Variants in ADGRB3 observed in about 807,000 individuals in gnomAD.
The protein encoded by ADGRB3 is brain-specific angiogenesis inhibitor 3.
ADGRB3 carries 37 observed loss-of-function variants against 193.4 expected under a neutral mutation model. The observed-to-expected ratio is 0.19, with a 90% CI of 0.15 to 0.25. ADGRB3 has a LOEUF of 0.25. Among genes scored for constraint, ADGRB3 ranks in the 10% least tolerant of loss-of-function variants. The pLI, the probability that ADGRB3 is intolerant of heterozygous loss-of-function variation, is 1.00. For synonymous variants in ADGRB3, 690 were observed against 644.2 expected (o/e 1.07, Z -1.08); for missense variants, 1,637 against 1,852.9 (o/e 0.88, Z 2.14).
intron 3 of ADGRB3, among the ~76,000 whole-genome samples, chr6:68,684,131 T>C (rs538136228): frequency 2.6e-5 from 4 of 152,324 alleles, no homozygotes; most frequent in Admixed American, 6.5e-5. Flanking sequence ...AATGTTAGTT[T>C]TCAATCTTTC....
At chr6:69,266,674 A>T (rs2127276707) in intron 20 of ADGRB3, among the ~76,000 whole-genome samples, 1 of 152,208 alleles carries the variant, frequency 6.6e-6, no homozygotes, top group Middle Eastern at 3.4e-3. Flanking sequence ...ACACACATAC[A>T]TACACACAAA....
chr6:68,752,124 T>C (rs2127347534), intron 3 of ADGRB3, among the ~76,000 whole-genome samples: 1 of 152,266 alleles, frequency 6.6e-6, no homozygotes, highest in South Asian at 2.1e-4. Flanking sequence ...TGAGGTGATT[T>C]GTAAGCAATA....
At chr6:68,700,031 G>GCA (rs1765216247) in intron 3 of ADGRB3, among the ~76,000 whole-genome samples, 1 of 152,008 alleles carries the variant, frequency 6.6e-6, no homozygotes, top group African/African-American at 2.4e-5. Context: ...ACATATAAAT[G>GCA]CACACACACA....
chr6:69,235,199 G>A (rs112661880), intron 19 of ADGRB3, 64 bp downstream of exon 19: 1 of 1,227,950 alleles, frequency 8.1e-7, no homozygotes, highest in Non-Finnish European at 1.2e-6. Context: ...ATCAAGGAAT[G>A]TGATAATTAT....
intron 17 of ADGRB3, among the ~76,000 whole-genome samples, chr6:69,162,672 G>A (rs1775029047): frequency 6.6e-6 from 1 of 152,014 alleles, no homozygotes; most frequent in Non-Finnish European, 1.5e-5. Flanking sequence ...CATACAAAAT[G>A]ATGCAACATT....
At chr6:69,000,382 T>C (rs1769535235) in intron 11 of ADGRB3, among the ~76,000 whole-genome samples, 1 of 152,220 alleles carries the variant, frequency 6.6e-6, no homozygotes, top group Non-Finnish European at 1.5e-5. Flanking sequence ...TTTATGTGCG[T>C]TTCAGTTAAA....
chr6:68,773,871 TA>T (rs758555471), intron 3 of ADGRB3, among the ~76,000 whole-genome samples: 1 of 151,938 alleles, frequency 6.6e-6, no homozygotes, highest in Non-Finnish European at 1.5e-5. Context: ...TTGAGAAGCT[TA>T]AGGAGACTTA....
intron 3 of ADGRB3, among the ~76,000 whole-genome samples, chr6:68,869,439 A>G (rs1318991794): frequency 6.6e-6 from 1 of 152,184 alleles, no homozygotes; most frequent in Non-Finnish European, 1.5e-5. Flanking sequence ...TATCTACAGA[A>G]GCTTAAATTT....
chr6:68,822,803 A>G (rs1484542986), intron 3 of ADGRB3, among the ~76,000 whole-genome samples: 1 of 152,006 alleles, frequency 6.6e-6, no homozygotes, highest in African/African-American at 2.4e-5. Context: ...TAGATTCGGG[A>G]TTCAATGATT....
intron 17 of ADGRB3, among the ~76,000 whole-genome samples, chr6:69,145,945 G>A (rs773369942): frequency 6.6e-5 from 10 of 152,088 alleles, no homozygotes; most frequent in Non-Finnish European, 1.5e-4. Flanking sequence ...TTGTTCATGC[G>A]CAGGAATGGG....
At chr6:69,094,890 A>G (rs1772829522) in intron 17 of ADGRB3, among the ~76,000 whole-genome samples, 1 of 152,200 alleles carries the variant, frequency 6.6e-6, no homozygotes, top group Non-Finnish European at 1.5e-5. Context: ...TTAGATCATT[A>G]TAAAATGAAA....
intron 3 of ADGRB3, among the ~76,000 whole-genome samples, chr6:68,650,351 T>A (rs980901277): frequency 6.6e-6 from 1 of 152,142 alleles, no homozygotes; most frequent in African/African-American, 2.4e-5. Flanking sequence ...TTTTTTTAAT[T>A]GCATCACAAT....
At chr6:68,975,603 G>C (rs1768719991) in intron 10 of ADGRB3, among the ~76,000 whole-genome samples, 1 of 152,146 alleles carries the variant, frequency 6.6e-6, no homozygotes, top group Admixed American at 6.6e-5. Flanking sequence ...AGCAAAATCT[G>C]TTATTCAGTT....
At chr6:69,226,097 TC>T (rs1290683860) in intron 17 of ADGRB3, among the ~76,000 whole-genome samples, 3 of 152,152 alleles carry the variant, frequency 2.0e-5, no homozygotes, top group Non-Finnish European at 2.9e-5. Flanking sequence ...GTGCTACCAT[TC>T]TTGTAAATAA....
chr6:68,873,957 T>C (rs1012787579), intron 3 of ADGRB3, among the ~76,000 whole-genome samples: 9 of 152,098 alleles, frequency 5.9e-5, no homozygotes, highest in African/African-American at 2.2e-4. Flanking sequence ...ATCCTAAATA[T>C]TAAATGAAAG....
intron 17 of ADGRB3, among the ~76,000 whole-genome samples, chr6:69,118,387 A>G (rs930188433): frequency 1.3e-5 from 2 of 152,104 alleles, no homozygotes; most frequent in Non-Finnish European, 2.9e-5. Context: ...CACTTGAGGA[A>G]CTGATATTCC....
intron 20 of ADGRB3, among the ~76,000 whole-genome samples, chr6:69,252,190 T>A (rs1003717421): frequency 6.6e-6 from 1 of 152,204 alleles, no homozygotes; most frequent in African/African-American, 2.4e-5. Context: ...TTTTGCTCAA[T>A]ATATTTTCTT....
chr6:69,330,608 G>GA (rs374715480), intron 23 of ADGRB3, 36 bp downstream of exon 23: 109,844 of 1,055,484 alleles, frequency 0.1, 63 homozygotes, highest in South Asian at 0.12. Flanking sequence ...GTTTTCTTAG[G>GA]AAAAAAAAAA....
At chr6:69,206,643 T>A (rs1765547335) in intron 17 of ADGRB3, among the ~76,000 whole-genome samples, 2 of 152,064 alleles carry the variant, frequency 1.3e-5, no homozygotes, top group South Asian at 4.1e-4. Context: ...ACTTAAATGA[T>A]GATGTGAAGT....
Sources: gnomAD v4.1 joint callset for allele counts (sites outside exome capture counted in the v4.1 genomes callset) on GRCh38, gnomAD v4.1.1 for gene constraint, MANE v1.5 for transcripts, NCBI Gene and HGNC (gene_info 2026-07-23, HGNC 2026-07-21) for gene names.